NBEA: variants seen among roughly 807,000 people sequenced by gnomAD.
NBEA encodes the protein lysosomal-trafficking regulator 2.
In NBEA, 44 loss-of-function variants were observed where a neutral mutation model predicts 343.4. The observed-to-expected ratio is 0.13, with a 90% CI of 0.10 to 0.16. The LOEUF (loss-of-function observed/expected upper bound fraction) is 0.16, where lower values mean the gene tolerates loss of function less well. NBEA is among the 10% of genes least tolerant of loss of function. The pLI is 1.00. For synonymous variants in NBEA, 1,175 were observed against 1,238.7 expected (o/e 0.95, Z 1.08); for missense variants, 2,555 against 3,631.3 (o/e 0.70, Z 7.62).
At chr13:35,447,504 A>G (rs780073690) in intron 39 of NBEA, among the ~76,000 whole-genome samples, 10 of 151,832 alleles carry the variant, frequency 6.6e-5, no homozygotes, top group Non-Finnish European at 1.2e-4. Context: ...ATATATATAT[A>G]TTTACTAAGA....
chr13:35,332,197 A>G (rs1283817781), intron 36 of NBEA, among the ~76,000 whole-genome samples: 1 of 152,106 alleles, frequency 6.6e-6, no homozygotes, highest in East Asian at 1.9e-4. Flanking sequence ...TTAGAAAGTG[A>G]AAGACTTTTT....
At position 35,425,495 on chromosome 13, in the gene NBEA, C is replaced by T. The variant is rs2044603733; in HGVS notation, c.6180-6774C>T. ...TTAATCCTGAGTTCTAGTTTGATTG[C>T]ACTGCGGTCTGAGAGACAGTTTGTT... On this transcript the variant is annotated intron_variant, in intron 38 of 58. Coordinates refer to ENST00000379939, the MANE Select transcript of NBEA (RefSeq NM_001385012.1). 7.2e-5 allele frequency among the ~76,000 whole-genome samples: 11 copies of T among 152,308 alleles called. No individual in the cohort carries two copies. The South Asian group carries it at 2.3e-3, about 32-fold the overall frequency.
chr13:35,076,596 C>A (rs1365692909), intron 10 of NBEA, among the ~76,000 whole-genome samples: 6 of 151,896 alleles, frequency 4.0e-5, no homozygotes, highest in Non-Finnish European at 8.8e-5. Flanking sequence ...TGTCTTGTTA[C>A]AAGGTTTATG....
chr13:35,361,783 T>G (rs762329417), intron 38 of NBEA, among the ~76,000 whole-genome samples: 4 of 152,026 alleles, frequency 2.6e-5, no homozygotes, highest in Non-Finnish European at 5.9e-5. Flanking sequence ...TTTTAAAACT[T>G]AACAATGAGA....
chr13:35,421,209 T>C lies in NBEA; in HGVS notation c.6180-11060T>C, dbSNP rs544063207. ...TGATTTTCATTCAGTTCTGTATTCTTTTGGTTTTCCCTCGAGAATTCTTTT... is the reference window on the plus strand; with the variant it reads ...TGATTTTCATTCAGTTCTGTATTCTCTTGGTTTTCCCTCGAGAATTCTTTT... On this transcript the variant is annotated intron_variant, in intron 38 of 58. Coordinates refer to ENST00000379939, the MANE Select transcript of NBEA (RefSeq NM_001385012.1). Among the ~76,000 whole-genome samples the C allele has an allele frequency of 8.5e-5, 13 of 152,178 alleles. No individual in the cohort carries two copies. In the South Asian group the frequency reaches 2.7e-3, roughly 32 times the overall value.
intron 45 of NBEA, among the ~76,000 whole-genome samples, chr13:35,579,573 T>C (rs193049555): frequency 6.6e-6 from 1 of 152,198 alleles, no homozygotes; most frequent in East Asian, 1.9e-4. Context: ...ATCAAATACA[T>C]ACCAGAATGT....
chr13:35,532,636 C>T (rs1227500088), intron 41 of NBEA, among the ~76,000 whole-genome samples: 2 of 152,018 alleles, frequency 1.3e-5, no homozygotes, highest in African/African-American at 4.8e-5. Context: ...TAAAGAAAAA[C>T]ACGTATTTAG....
chr13:34,984,263 G>T (rs1350455588), intron 1 of NBEA, among the ~76,000 whole-genome samples: 1 of 152,146 alleles, frequency 6.6e-6, no homozygotes, highest in Non-Finnish European at 1.5e-5. Context: ...TGGCTAGCCA[G>T]TTATTAAATA....
intron 52 of NBEA, among the ~76,000 whole-genome samples, chr13:35,650,776 A>G (rs2084479320): frequency 6.6e-6 from 1 of 152,148 alleles, no homozygotes; most frequent in South Asian, 2.1e-4. Flanking sequence ...GATGTGACCA[A>G]ATGATTTAGT....
At chr13:35,029,980 A>G (rs1438898654) in intron 1 of NBEA, among the ~76,000 whole-genome samples, 2 of 151,600 alleles carry the variant, frequency 1.3e-5, no homozygotes, top group African/African-American at 2.4e-5. Flanking sequence ...GAAGGCCTGG[A>G]GGAAAAGAAC....
intron 39 of NBEA, among the ~76,000 whole-genome samples, chr13:35,450,213 G>A (rs926701093): frequency 6.6e-6 from 1 of 152,102 alleles, no homozygotes; most frequent in Non-Finnish European, 1.5e-5. Context: ...AGTGGCTCAT[G>A]CGTATAATCC....
intron 38 of NBEA, among the ~76,000 whole-genome samples, chr13:35,373,561 C>T (rs1445684748): frequency 2.1e-5 from 3 of 141,670 alleles, no homozygotes; most frequent in Admixed American, 6.9e-5. Flanking sequence ...AAAAATTAGC[C>T]GGGCATGGTG....
intron 48 of NBEA, among the ~76,000 whole-genome samples, chr13:35,615,884 C>T (rs2082718670): frequency 6.6e-6 from 1 of 152,110 alleles, no homozygotes; most frequent in South Asian, 2.1e-4. Context: ...TCTATGGTCC[C>T]TGTTTCTATA....
intron 38 of NBEA, among the ~76,000 whole-genome samples, chr13:35,431,170 G>A (rs768759758): frequency 2.6e-5 from 4 of 151,880 alleles, no homozygotes; most frequent in African/African-American, 7.3e-5. Context: ...CATACTGTGG[G>A]CGAGACATTG....
At chr13:35,410,444 G>A (rs896676441) in intron 38 of NBEA, among the ~76,000 whole-genome samples, 1 of 152,106 alleles carries the variant, frequency 6.6e-6, no homozygotes, top group Non-Finnish European at 1.5e-5. Context: ...ATGGAAGAGT[G>A]TCAGAGAAAG....
At chr13:35,463,628 ACAAAC>A (rs2047022186) in intron 40 of NBEA, among the ~76,000 whole-genome samples, 1 of 152,132 alleles carries the variant, frequency 6.6e-6, no homozygotes, top group Admixed American at 6.5e-5. Flanking sequence ...GCAAAAAAAA[ACAAAC>A]CAGAAAAAGT....
intron 41 of NBEA, among the ~76,000 whole-genome samples, chr13:35,530,470 T>G (rs567908607): frequency 3.9e-5 from 6 of 152,320 alleles, no homozygotes; most frequent in African/African-American, 1.4e-4. Flanking sequence ...AGTCTGTGCT[T>G]TGTAAAAGCC....
At chr13:35,140,605 G>A (rs1222990661) in intron 17 of NBEA, among the ~76,000 whole-genome samples, 2 of 152,014 alleles carry the variant, frequency 1.3e-5, no homozygotes, top group Non-Finnish European at 2.9e-5. Context: ...TTTGAGTTTA[G>A]GTCATTTTGC....
At chr13:35,155,015 A>G (rs185661503) in intron 18 of NBEA, among the ~76,000 whole-genome samples, 28 of 151,610 alleles carry the variant, frequency 1.8e-4, no homozygotes, top group African/African-American at 6.3e-4. Context: ...CTGTAGCCCC[A>G]GCTACTTGGG....
Sources: allele counts gnomAD v4.1 joint callset (sites outside exome capture counted in the v4.1 genomes callset), GRCh38; gene constraint gnomAD v4.1.1; transcripts MANE v1.5; gene names NCBI Gene and HGNC (gene_info 2026-07-23, HGNC 2026-07-21).